The following RSRC1 variants were observed in gnomAD, a reference collection of about 807,000 sequenced individuals.
RSRC1 encodes the protein serine/Arginine-related protein 53.
In RSRC1, 39 loss-of-function variants were observed where a neutral mutation model predicts 49.1. The ratio of observed to expected loss-of-function variants is 0.79; its 90% CI spans 0.61 to 1.04. RSRC1 has a LOEUF of 1.04. RSRC1 is among the 50% of genes least tolerant of loss of function. RSRC1 has a pLI of 0.00. For missense variants in RSRC1, 388 were observed against 402.4 expected (o/e 0.96, Z 0.31); for synonymous variants, 143 against 130.8 (o/e 1.09, Z -0.63).
chr3:158,262,412 T>TA (rs1029297130), intron 4 of RSRC1, among the ~76,000 whole-genome samples: 11 of 152,168 alleles, frequency 7.2e-5, no homozygotes, highest in African/African-American at 1.7e-4. Flanking sequence ...TGTATCTTCG[T>TA]AAAAAAAATC....
intron 5 of RSRC1, among the ~76,000 whole-genome samples, chr3:158,319,282 T>C (rs1728628071): frequency 6.6e-6 from 1 of 151,976 alleles, no homozygotes; most frequent in African/African-American, 2.4e-5. Context: ...AGTTTAAGAG[T>C]GGCACTTCCC....
chr3:158,513,329 T>C (rs1041901307), intron 7 of RSRC1, among the ~76,000 whole-genome samples: 2 of 151,958 alleles, frequency 1.3e-5, no homozygotes, highest in Non-Finnish European at 2.9e-5. Context: ...GCATGAAGGG[T>C]TGTTGAATTT....
intron 3 of RSRC1, among the ~76,000 whole-genome samples, chr3:158,198,808 C>A (rs918582054): frequency 1.3e-5 from 2 of 152,036 alleles, no homozygotes; most frequent in African/African-American, 2.4e-5. Flanking sequence ...CTTGGCTCCA[C>A]CCCCCGCAAG....
chr3:158,287,342 G>A (rs113078447), intron 4 of RSRC1, among the ~76,000 whole-genome samples: 1 of 151,990 alleles, frequency 6.6e-6, no homozygotes, highest in African/African-American at 2.4e-5. Context: ...TTAAATATTT[G>A]TATTTATATA....
chr3:158,400,186 C>G (rs905139299), intron 6 of RSRC1, among the ~76,000 whole-genome samples: 7 of 151,958 alleles, frequency 4.6e-5, no homozygotes, highest in Admixed American at 2.0e-4. Context: ...CTGAAAAATT[C>G]CTATGGCCTT....
At chr3:158,361,942 C>T (rs544330292) in intron 6 of RSRC1, among the ~76,000 whole-genome samples, 41 of 152,254 alleles carry the variant, frequency 2.7e-4, no homozygotes, top group African/African-American at 9.6e-4. Flanking sequence ...TCTTTGCACA[C>T]CATTTATATT....
intron 5 of RSRC1, among the ~76,000 whole-genome samples, chr3:158,353,995 C>CTTTTTTTTTTTTTT (rs1230649090): frequency 2.1e-5 from 2 of 96,300 alleles, no homozygotes; most frequent in Non-Finnish European, 3.9e-5. Flanking sequence ...GTTTCTTTTT[C>CTTTTTTTTTTTTTT]TTTTTTTTTT....
intron 7 of RSRC1, among the ~76,000 whole-genome samples, chr3:158,516,860 C>G (rs1019942527): frequency 6.6e-6 from 1 of 152,180 alleles, no homozygotes; most frequent in African/African-American, 2.4e-5. Context: ...CCCGATTTTC[C>G]AGGTGCCGTC....
chr3:158,241,538 A>T (rs1559958082), intron 4 of RSRC1, among the ~76,000 whole-genome samples: 1 of 149,238 alleles, frequency 6.7e-6, no homozygotes, highest in African/African-American at 2.5e-5. Context: ...AGTGTAGACT[A>T]TTTTTTTTTT....
intron 4 of RSRC1, among the ~76,000 whole-genome samples, chr3:158,286,233 A>G (rs925872226): frequency 2.0e-5 from 3 of 152,116 alleles, no homozygotes; most frequent in Admixed American, 6.6e-5. Context: ...TCTTGAGGTT[A>G]TTGTTTTTTA....
chr3:158,414,839 AT>A (rs1159033862), intron 6 of RSRC1, among the ~76,000 whole-genome samples: 2 of 152,156 alleles, frequency 1.3e-5, no homozygotes, highest in Admixed American at 1.3e-4. Flanking sequence ...AAGAAAAAAA[AT>A]CTTTTTAATT....
chr3:158,375,680 G>A (rs11714104), intron 6 of RSRC1, among the ~76,000 whole-genome samples: 79,368 of 151,894 alleles, frequency 0.52, 21,125 homozygotes, highest in African/African-American at 0.61. Flanking sequence ...TAGAAACATA[G>A]TGATGTAAAT....
chr3:158,274,539 C>G (rs751613737), intron 4 of RSRC1, among the ~76,000 whole-genome samples: 14 of 152,088 alleles, frequency 9.2e-5, no homozygotes, highest in Non-Finnish European at 1.8e-4. Context: ...ATTAACTAAG[C>G]CTTTTGAAAC....
chr3:158,415,508 C>T (rs559053150), intron 6 of RSRC1, among the ~76,000 whole-genome samples: 3 of 151,704 alleles, frequency 2.0e-5, no homozygotes, highest in Non-Finnish European at 4.4e-5. Flanking sequence ...CTCAAATTCT[C>T]GGTGCTTCAT....
chr3:158,144,406 T>A (rs557082582), intron 3 of RSRC1, among the ~76,000 whole-genome samples: 1 of 152,142 alleles, frequency 6.6e-6, no homozygotes, highest in Non-Finnish European at 1.5e-5. Flanking sequence ...GTCCTTGCGA[T>A]AGTTTGCTGA....
chr3:158,538,846 G>T (rs184428930), intron 8 of RSRC1, among the ~76,000 whole-genome samples: 2 of 152,070 alleles, frequency 1.3e-5, no homozygotes, highest in Admixed American at 6.6e-5. Flanking sequence ...ATGATCAGAA[G>T]ATCAGTGATA....
intron 7 of RSRC1, among the ~76,000 whole-genome samples, chr3:158,480,293 A>G (rs913604312): frequency 3.3e-5 from 5 of 152,016 alleles, no homozygotes; most frequent in African/African-American, 1.2e-4. Flanking sequence ...ATTTTTTTAA[A>G]AAGAATAAGA....
chr3:158,328,852 T>G (rs971204530), intron 5 of RSRC1, among the ~76,000 whole-genome samples: 1 of 152,210 alleles, frequency 6.6e-6, no homozygotes, highest in African/African-American at 2.4e-5. Context: ...GGTTCCATTC[T>G]CCCCATCACT....
intron 6 of RSRC1, among the ~76,000 whole-genome samples, chr3:158,449,510 T>C (rs1048294607): frequency 5.9e-4 from 89 of 152,078 alleles, no homozygotes; most frequent in African/African-American, 1.9e-3. Context: ...GGATTCTGTA[T>C]TGTGTTGCCC....
Sources: allele counts gnomAD v4.1 joint callset (sites outside exome capture counted in the v4.1 genomes callset), GRCh38; gene constraint gnomAD v4.1.1; transcripts MANE v1.5; gene names NCBI Gene and HGNC (gene_info 2026-07-23, HGNC 2026-07-21).